The following MCPH1 variants were observed in gnomAD, a reference collection of about 807,000 sequenced individuals.
The protein encoded by MCPH1 is microcephalin 1.
A neutral mutation model predicts 84.5 loss-of-function variants in MCPH1; 104 were observed. The observed-to-expected ratio is 1.23, with a 90% CI of 1.05 to 1.45. The LOEUF is 1.45. Ranked by LOEUF, MCPH1 falls within the 40% of genes most tolerant of loss-of-function variation. The pLI is 0.00. For missense variants in MCPH1, 1,498 were observed against 1,005.7 expected (o/e 1.49, Z -6.62); for synonymous variants, 514 against 366.8 (o/e 1.40, Z -4.58).
intron 3 of MCPH1, among the ~76,000 whole-genome samples, chr8:6,417,538 A>G (rs1178477716): frequency 2.0e-5 from 3 of 151,476 alleles, no homozygotes; most frequent in Non-Finnish European, 4.4e-5. Context: ...TTCTCCTCAG[A>G]TTGATCTTTT....
intron 12 of MCPH1, among the ~76,000 whole-genome samples, chr8:6,533,569 C>CTTTTTTTTTTTTTTTTTTTTT (rs56882906): frequency 8.8e-6 from 1 of 113,340 alleles, no homozygotes; most frequent in Non-Finnish European, 1.7e-5. Context: ...CGTTTAGTTT[C>CTTTTTTTTTTTTTTTTTTTTT]TTTTTTTTTT....
At chr8:6,554,467 G>A (rs3020228) in intron 12 of MCPH1, among the ~76,000 whole-genome samples, 2,344 of 152,056 alleles carry the variant, frequency 0.015, 58 homozygotes, top group African/African-American at 0.05. Flanking sequence ...CATTTCCCAA[G>A]ATTTCTATAT....
intron 12 of MCPH1, among the ~76,000 whole-genome samples, chr8:6,514,991 A>G (rs536948190): frequency 3.6e-4 from 55 of 152,338 alleles, no homozygotes; most frequent in East Asian, 2.9e-3. Context: ...AAACATAAAC[A>G]GTAATATAAT....
At chr8:6,638,878 G>A (rs961797035) in intron 13 of MCPH1, among the ~76,000 whole-genome samples, 9 of 152,254 alleles carry the variant, frequency 5.9e-5, no homozygotes, top group Non-Finnish European at 8.8e-5. Flanking sequence ...TGGAGCTGTC[G>A]GCCCTTGTTC....
At chr8:6,558,687 A>G (rs1051691735) in intron 12 of MCPH1, among the ~76,000 whole-genome samples, 17 of 152,184 alleles carry the variant, frequency 1.1e-4, no homozygotes, top group Admixed American at 8.5e-4. Flanking sequence ...ATGGAAATCC[A>G]TTTCCTAGTT....
intron 12 of MCPH1, chr8:6,501,283 T>A (rs1202621721): frequency 6.6e-6 from 1 of 152,052 alleles, no homozygotes; most frequent in Non-Finnish European, 1.5e-5. Context: ...TAAATTAGAT[T>A]TTGAAATGGA....
intron 12 of MCPH1, among the ~76,000 whole-genome samples, chr8:6,513,110 C>G (rs763640548): frequency 1.3e-5 from 2 of 152,206 alleles, no homozygotes; most frequent in Admixed American, 6.5e-5. Context: ...AGCCAATTAT[C>G]TACCAGGCAG....
chr8:6,407,413 A>G (rs893692613), intron 1 of MCPH1, among the ~76,000 whole-genome samples: 3 of 152,116 alleles, frequency 2.0e-5, no homozygotes, highest in Non-Finnish European at 2.9e-5. Context: ...GTGTGTGGCT[A>G]GTCAGTGCTG....
intron 12 of MCPH1, among the ~76,000 whole-genome samples, chr8:6,574,254 G>A (rs1388748573): frequency 6.6e-6 from 1 of 152,124 alleles, no homozygotes; most frequent in African/African-American, 2.4e-5. Flanking sequence ...GCATCAGCAG[G>A]GCCATGCTCC....
intron 12 of MCPH1, among the ~76,000 whole-genome samples, chr8:6,530,609 A>C (rs1364327019): frequency 6.6e-6 from 1 of 151,116 alleles, no homozygotes; most frequent in Non-Finnish European, 1.5e-5. Context: ...TTGACTTTTA[A>C]ATCTTTAGTT....
rs73661403 is a variant in MCPH1 at position 6,557,069 on chromosome 8, G to A, written c.2214+57140G>A. Among the ~76,000 whole-genome samples, 1,176 of 152,248 alleles carry A rather than the reference G, an allele frequency of 7.7e-3. 20 individuals carry two copies. Among genetic ancestry groups the A allele is most frequent in the African/African-American group, 0.027 (1,113 of 41,548 alleles). On this transcript the variant is annotated intron_variant, in intron 12 of 13. Transcript: ENST00000344683. ...GGTCATATGGTGTTCACTCACTTAC[G>A]CTAATGAACTGAGAAATAACGCACT...
In MCPH1 at chr8:6,446,162, C is replaced by T. The variant is rs535080409; in HGVS notation, c.1825+615C>T. On this transcript the variant is annotated intron_variant, in intron 8 of 13. Transcript: ENST00000344683. ...AAGCATCACTTGAAAAGGTTTACTC[C>T]TATTCATAATTTAATTGTAATTATA... 434 of 887,428 alleles carry T rather than the reference C, an allele frequency of 4.9e-4. 5 individuals carry two copies. In the African/African-American group the frequency reaches 7.4e-3, roughly 15 times the overall value. 55.0% of individuals were successfully genotyped at this position (887,428 alleles called of 1,614,324 possible).
chr8:6,626,708 G>A, intron 13 of MCPH1: 1 of 985,260 alleles, frequency 1.0e-6, no homozygotes, highest in Non-Finnish European at 1.2e-6. Flanking sequence ...CGAAGACCCT[G>A]GGGTCTGAAG....
chr8:6,514,474 C>T lies in MCPH1; in HGVS notation c.2214+14545C>T, dbSNP rs1815836130. ...AAAGTGCTGGGATTACAGGCGTGAG[C>T]CAGCACGTCTGGCTGCAGCTTTTGT... is the stretch of plus-strand genomic sequence containing the variant. On this transcript the variant is annotated intron_variant, in intron 12 of 13. Coordinates refer to ENST00000344683, the MANE Select transcript of MCPH1 (RefSeq NM_024596.5). Among the ~76,000 whole-genome samples the T allele has an allele frequency of 2.0e-5, 3 of 152,184 alleles. No homozygotes were observed. In the South Asian group the frequency reaches 6.2e-4, roughly 32 times the overall value.
At position 6,530,502 on chromosome 8, in the gene MCPH1, C is replaced by G. The variant is rs1298337983; in HGVS notation, c.2214+30573C>G. Among the ~76,000 whole-genome samples the G allele has an allele frequency of 3.0e-5, 3 of 99,020 alleles. No homozygotes were observed. In the East Asian group the frequency reaches 7.4e-4, roughly 24 times the overall value. The allele number at this position is 99,020 out of a possible 152,430, so 65.0% of individuals were successfully genotyped here. ...CCAACCTGGGCAATGCAGTGAGACTCTGTCTCAAAAAAAAAAAAAAAAAAA... is the reference window on the plus strand; with the variant it reads ...CCAACCTGGGCAATGCAGTGAGACTGTGTCTCAAAAAAAAAAAAAAAAAAA... On this transcript the variant is annotated intron_variant, in intron 12 of 13. Transcript: ENST00000344683.
At chr8:6,602,932 TGCATGTGTGTCTGTGTACATAGGC>T (rs1274402369) in intron 12 of MCPH1, among the ~76,000 whole-genome samples, 1 of 152,086 alleles carries the variant, frequency 6.6e-6, no homozygotes, top group South Asian at 2.1e-4. Flanking sequence ...TATTTGTGTG[TGCATGTGTGTCTGTGTACATAGGC>T]GCATGTGTGT....
intron 13 of MCPH1, among the ~76,000 whole-genome samples, chr8:6,639,638 G>A (rs1769988446): frequency 2.6e-5 from 4 of 151,466 alleles, no homozygotes; most frequent in Admixed American, 2.6e-4. Flanking sequence ...ACTCCAGTCT[G>A]GGCAATGGAT....
chr8:6,463,504 A>C (rs118014651), intron 9 of MCPH1, among the ~76,000 whole-genome samples: 1,661 of 152,316 alleles, frequency 0.011, 9 homozygotes, highest in Non-Finnish European at 0.018. Flanking sequence ...TAGATTGGGA[A>C]TTACAGCTCA....
At chr8:6,408,842 A>G (rs1798119776) in intron 1 of MCPH1, among the ~76,000 whole-genome samples, 1 of 151,816 alleles carries the variant, frequency 6.6e-6, no homozygotes, top group African/African-American at 2.4e-5. Context: ...CAATTACAGC[A>G]TGAGCCACCA....
Sources: gnomAD v4.1 joint callset for allele counts (sites outside exome capture counted in the v4.1 genomes callset) on GRCh38, gnomAD v4.1.1 for gene constraint, MANE v1.5 for transcripts, NCBI Gene and HGNC (gene_info 2026-07-23, HGNC 2026-07-21) for gene names.